Variants in PXDNL observed in about 807,000 individuals in gnomAD.
PXDNL encodes the protein probable oxidoreductase PXDNL.
In PXDNL, 145 loss-of-function variants were observed where a neutral mutation model predicts 150.8. That is an observed-to-expected ratio of 0.96 (90% CI 0.84 to 1.10). PXDNL has a LOEUF of 1.10. Ranked by LOEUF, PXDNL falls within the 50% of genes least tolerant of loss-of-function variation. The probability of loss-of-function intolerance (pLI) is 0.00; values close to 1 mark genes in which losing one functional copy is unlikely to be tolerated. For synonymous variants in PXDNL, 757 were observed against 725.7 expected (o/e 1.04, Z -0.69); for missense variants, 2,087 against 1,873.9 (o/e 1.11, Z -2.10).
rs146254708 is a variant in PXDNL at position 51,643,960 on chromosome 8, C to T, written c.236+10729G>A. The stretch of plus-strand genomic sequence containing the variant: ...AAAAATGCTCATCATCACTGGCCAA[C>T]GTGGTGAAGCCCCATCTCTACTAAA... On this transcript the variant is annotated intron_variant, in intron 2 of 22. Coordinates refer to ENST00000356297, the MANE Select transcript of PXDNL (RefSeq NM_144651.5). Among the ~76,000 whole-genome samples the T allele has an allele frequency of 6.2e-3, 949 of 151,900 alleles. 13 individuals carry two copies. Among genetic ancestry groups the T allele is most frequent in the African/African-American group, 0.02 (838 of 41,470 alleles).
chr8:51,665,215 G>A (rs907504234), intron 1 of PXDNL, among the ~76,000 whole-genome samples: 14 of 152,300 alleles, frequency 9.2e-5, no homozygotes, highest in Admixed American at 5.9e-4. Context: ...GAGGCAGTTA[G>A]CGCAGTGGTT....
At chr8:51,461,890 G>T (rs377523713) in intron 8 of PXDNL, among the ~76,000 whole-genome samples, 10 of 152,100 alleles carry the variant, frequency 6.6e-5, no homozygotes, top group African/African-American at 2.4e-4. Flanking sequence ...AAATACAAAA[G>T]AAGTGCATAG....
chr8:51,542,109 G>A (rs1289803925), intron 4 of PXDNL, among the ~76,000 whole-genome samples: 3 of 152,020 alleles, frequency 2.0e-5, no homozygotes, highest in African/African-American at 7.2e-5. Context: ...AATAGTCTAC[G>A]TTTTATTCTG....
chr8:51,386,127 C>T (rs4873548), intron 17 of PXDNL, among the ~76,000 whole-genome samples: 17,943 of 151,680 alleles, frequency 0.12, 1,369 homozygotes, highest in Middle Eastern at 0.23. Flanking sequence ...GACTCTTGCT[C>T]TGTCACCCAG....
chr8:51,368,509 C>T (rs967501214), intron 19 of PXDNL, among the ~76,000 whole-genome samples: 6 of 150,944 alleles, frequency 4.0e-5, no homozygotes, highest in Non-Finnish European at 7.4e-5. Context: ...AGCTATTATT[C>T]GTGGGAAACA....
intron 14 of PXDNL, among the ~76,000 whole-genome samples, chr8:51,416,207 A>G (rs1586089063): frequency 6.6e-6 from 1 of 152,350 alleles, no homozygotes; most frequent in South Asian, 2.1e-4. Context: ...TCAAAGGTCT[A>G]CGTGGATTTG....
Position 51,453,759 on chromosome 8 carries a change from G to T in PXDNL, c.1009C>A (p.Gln337Lys). Residue 337 changes from glutamine to lysine, a missense_variant, in exon 10 of 23, where the codon CAG becomes AAG. Physicochemically the swap from Gln to Lys is moderately conservative, Grantham distance 53. Coordinates refer to ENST00000356297, the MANE Select transcript of PXDNL (RefSeq NM_144651.5). ...GTGCCAATTAAAACCTCTGTGTCCTGAGGCTGGATTACAAAGCTTGGTTTG... is the reference window on the plus strand; with the variant it reads ...GTGCCAATTAAAACCTCTGTGTCCTTAGGCTGGATTACAAAGCTTGGTTTG... The part of the protein sequence containing the change: ...PAKPSFVIQP[Q>K]DTEVLIGTST... 1 of 1,613,988 alleles carries T rather than the reference G, an allele frequency of 6.2e-7. No homozygotes were observed. The highest frequency in any genetic ancestry group is 8.5e-7 in the Non-Finnish European group (1 of 1,179,872).
At chr8:51,503,043 C>G (rs1811220078) in intron 4 of PXDNL, among the ~76,000 whole-genome samples, 1 of 151,986 alleles carries the variant, frequency 6.6e-6, no homozygotes, top group Non-Finnish European at 1.5e-5. Context: ...GCTCATAATT[C>G]ATGAGAAATG....
chr8:51,476,429 C>G (rs1212442886), intron 6 of PXDNL, among the ~76,000 whole-genome samples: 2 of 152,160 alleles, frequency 1.3e-5, no homozygotes, highest in Non-Finnish European at 2.9e-5. Context: ...GTTAGAAGGT[C>G]CCCCTCTGGA....
intron 12 of PXDNL, 53 bp from the exon 13 acceptor site, chr8:51,426,811 C>T (rs142197882): frequency 1.4e-5 from 15 of 1,049,156 alleles, no homozygotes; most frequent in Non-Finnish European, 2.2e-5. Context: ...TTTTTGTCAA[C>T]ATATGCCAGC....
chr8:51,747,706 C>G (rs947459352), intron 1 of PXDNL, among the ~76,000 whole-genome samples: 30 of 152,296 alleles, frequency 2.0e-4, no homozygotes, highest in Admixed American at 1.8e-3. Flanking sequence ...AGTTCAAGTA[C>G]AATTAGCTGG....
chr8:51,324,161 A>C (rs971861547), intron 21 of PXDNL, among the ~76,000 whole-genome samples: 1 of 152,064 alleles, frequency 6.6e-6, no homozygotes, highest in Non-Finnish European at 1.5e-5. Context: ...TGCTCAACTC[A>C]TGTATTCATT....
chr8:51,432,344 C>T lies in PXDNL; in HGVS notation c.1526-5586G>A, dbSNP rs569305568. Among the ~76,000 whole-genome samples, 27 of 152,294 alleles carry T rather than the reference C, an allele frequency of 1.8e-4. No homozygotes were observed. The South Asian group carries it at 5.6e-3, about 32-fold the overall frequency. On this transcript the variant is annotated intron_variant, in intron 12 of 22. Transcript: ENST00000356297. ...CAATATGTTATCCCTGAGCAGTATA[C>T]AGTAATACCATCTTGCTATTTGGAT...
At chr8:51,484,175 G>A (rs575565995) in intron 5 of PXDNL, among the ~76,000 whole-genome samples, 1 of 151,926 alleles carries the variant, frequency 6.6e-6, no homozygotes, top group Admixed American at 6.6e-5. Context: ...GGTGGCTCAC[G>A]CCTGTAATCC....
intron 1 of PXDNL, among the ~76,000 whole-genome samples, chr8:51,754,919 C>T (rs915497997): frequency 6.6e-6 from 1 of 152,196 alleles, no homozygotes; most frequent in Non-Finnish European, 1.5e-5. Flanking sequence ...GATGCGGTCT[C>T]ACCAGGTGGC....
intron 3 of PXDNL, among the ~76,000 whole-genome samples, chr8:51,567,064 C>A (rs1430243836): frequency 6.6e-6 from 1 of 151,668 alleles, no homozygotes; most frequent in Non-Finnish European, 1.5e-5. Context: ...TGTGTTTAAT[C>A]TATAAATATT....
intron 1 of PXDNL, among the ~76,000 whole-genome samples, chr8:51,760,399 AT>A (rs2037148926): frequency 6.6e-6 from 1 of 152,186 alleles, no homozygotes; most frequent in Non-Finnish European, 1.5e-5. Context: ...AATGAGTAGC[AT>A]TGTGTTCTAA....
chr8:51,344,311 AG>A (rs1427849836), intron 20 of PXDNL, among the ~76,000 whole-genome samples: 1 of 151,688 alleles, frequency 6.6e-6, no homozygotes, highest in Non-Finnish European at 1.5e-5. Context: ...TTAGAGATGG[AG>A]TCTCACTTTG....
In PXDNL at chr8:51,735,608, G is replaced by A. The variant is rs1482747756; in HGVS notation, c.164+73573C>T. On this transcript the variant is annotated intron_variant, in intron 1 of 22. Coordinates refer to ENST00000356297, the MANE Select transcript of PXDNL (RefSeq NM_144651.5). ...GTCGCCCAGGCTGGAGTGCAGTGGC[G>A]GGATCTCGGCTCACTGCAAGCTCCG... 8.0e-4 allele frequency among the ~76,000 whole-genome samples: 100 copies of A among 125,278 alleles called. 1 individual carries two copies. The highest frequency in any genetic ancestry group is 2.8e-3 in the African/African-American group (92 of 32,538). 82.2% of individuals were successfully genotyped at this position (125,278 alleles called of 152,430 possible).
Sources: gnomAD v4.1 joint callset for allele counts (sites outside exome capture counted in the v4.1 genomes callset) on GRCh38, gnomAD v4.1.1 for gene constraint, MANE v1.5 for transcripts, NCBI Gene and HGNC (gene_info 2026-07-23, HGNC 2026-07-21) for gene names.